SCHIP1: variants seen among roughly 807,000 people sequenced by gnomAD.
SCHIP1 encodes schwannomin interacting protein 1, also known as schwannomin-interacting protein 1.
Under a neutral mutation model 29.7 loss-of-function variants are expected in SCHIP1, and 8 were observed. That is an observed-to-expected ratio of 0.27 (90% CI 0.16 to 0.49). The LOEUF (loss-of-function observed/expected upper bound fraction) is 0.49, where lower values mean the gene tolerates loss of function less well. Ranked by LOEUF, SCHIP1 falls within the 20% of genes least tolerant of loss-of-function variation. SCHIP1 has a pLI of 0.99. For missense variants in SCHIP1, 193 were observed against 294.6 expected (o/e 0.66, Z 2.52); for synonymous variants, 76 against 94.9 (o/e 0.80, Z 1.16).
chr3:159,501,967 A>G, the SCHIP1 span, among the ~76,000 whole-genome samples: 2 of 152,176 alleles, frequency 1.3e-5, no homozygotes, highest in Admixed American at 1.3e-4. Context: ...CATTAATCCT[A>G]TGATTTCTCA....
At chr3:159,466,551 T>A in the SCHIP1 span, among the ~76,000 whole-genome samples, 1 of 152,172 alleles carries the variant, frequency 6.6e-6, no homozygotes, top group Non-Finnish European at 1.5e-5. Flanking sequence ...TGATGATGTA[T>A]TGCTACCGTG....
chr3:159,854,882 GA>G (rs1318646909), intron 1 of SCHIP1, among the ~76,000 whole-genome samples: 1 of 152,194 alleles, frequency 6.6e-6, no homozygotes, highest in Non-Finnish European at 1.5e-5. Context: ...GAAACAGAGG[GA>G]ACCCAGATGC....
At chr3:159,382,258 T>TCATCC in the SCHIP1 span, among the ~76,000 whole-genome samples, 1 of 109,974 alleles carries the variant, frequency 9.1e-6, no homozygotes, top group African/African-American at 3.5e-5. Flanking sequence ...CCCTCCCCCC[T>TCATCC]CACCCCACCC....
the SCHIP1 span, among the ~76,000 whole-genome samples, chr3:159,281,348 G>A: frequency 3.3e-5 from 5 of 152,152 alleles, no homozygotes; most frequent in African/African-American, 1.2e-4. Flanking sequence ...TATTCTAAGT[G>A]GTTTACTTTA....
the SCHIP1 span, among the ~76,000 whole-genome samples, chr3:159,511,654 A>G: frequency 2.0e-5 from 3 of 152,136 alleles, no homozygotes; most frequent in Non-Finnish European, 4.4e-5. Context: ...TTTCAGTACA[A>G]GGATAGACAG....
At chr3:159,872,262 A>C (rs1715370605) in intron 2 of SCHIP1, among the ~76,000 whole-genome samples, 1 of 152,138 alleles carries the variant, frequency 6.6e-6, no homozygotes, top group Non-Finnish European at 1.5e-5. Context: ...TGTTTTTAAT[A>C]GCACAAATAT....
At chr3:159,675,886 CT>C in the SCHIP1 span, among the ~76,000 whole-genome samples, 1 of 151,562 alleles carries the variant, frequency 6.6e-6, no homozygotes, top group African/African-American at 2.4e-5. Flanking sequence ...AATCCCAGCA[CT>C]TTGGGAGGCT....
At chr3:159,484,801 T>A in the SCHIP1 span, among the ~76,000 whole-genome samples, 6 of 152,292 alleles carry the variant, frequency 3.9e-5, no homozygotes, top group Admixed American at 3.9e-4. Context: ...TGGCACAGAA[T>A]CCCATCATTG....
At chr3:159,632,936 C>T in the SCHIP1 span, among the ~76,000 whole-genome samples, 6 of 152,138 alleles carry the variant, frequency 3.9e-5, no homozygotes, top group East Asian at 7.7e-4. Context: ...ATGAAAGTTG[C>T]CTTTTCTTCT....
chr3:159,597,747 A>G, the SCHIP1 span, among the ~76,000 whole-genome samples: 1 of 152,238 alleles, frequency 6.6e-6, no homozygotes, highest in Non-Finnish European at 1.5e-5. Flanking sequence ...ACGAAAGTGC[A>G]ATATCCCTTT....
chr3:159,575,287 A>G, the SCHIP1 span, among the ~76,000 whole-genome samples: 1 of 152,178 alleles, frequency 6.6e-6, no homozygotes, highest in African/African-American at 2.4e-5. Flanking sequence ...TATAATTTTT[A>G]TTAGAGTACT....
chr3:159,646,113 GC>G, the SCHIP1 span, among the ~76,000 whole-genome samples: 3 of 152,102 alleles, frequency 2.0e-5, no homozygotes, highest in African/African-American at 7.2e-5. Context: ...TTGATCTGAA[GC>G]AAAAACTCCA....
the SCHIP1 span, among the ~76,000 whole-genome samples, chr3:159,327,312 G>A: frequency 6.6e-6 from 1 of 152,136 alleles, no homozygotes; most frequent in Non-Finnish European, 1.5e-5. Flanking sequence ...GAAGTTATTG[G>A]GTGGTGGTCA....
upstream of SCHIP1, chr3:159,839,742 T>G: frequency 2.4e-6 from 1 of 415,842 alleles, no homozygotes; most frequent in Non-Finnish European, 3.9e-6. Context: ...TTGATTTGTG[T>G]CTGTCCCTCT....
intron 2 of SCHIP1, among the ~76,000 whole-genome samples, chr3:159,879,390 T>C (rs1444282869): frequency 6.6e-6 from 1 of 152,184 alleles, no homozygotes; most frequent in Non-Finnish European, 1.5e-5. Context: ...TATTGTGTAA[T>C]TTAACCTCTC....
At chr3:159,611,803 C>T in the SCHIP1 span, among the ~76,000 whole-genome samples, 1 of 152,046 alleles carries the variant, frequency 6.6e-6, no homozygotes, top group African/African-American at 2.4e-5. Context: ...GAAGAAGATG[C>T]CCATCAAATA....
At chr3:159,771,144 G>C in the SCHIP1 span, among the ~76,000 whole-genome samples, 352 of 152,158 alleles carry the variant, frequency 2.3e-3, 17 homozygotes, top group East Asian at 0.058. Context: ...TTTCTTCCTA[G>C]AATGGTACTA....
chr3:159,338,394 G>A, the SCHIP1 span, among the ~76,000 whole-genome samples: 5 of 152,250 alleles, frequency 3.3e-5, no homozygotes, highest in African/African-American at 7.2e-5. Flanking sequence ...ATGTAGGACC[G>A]TCTACGTCAT....
chr3:159,316,367 T>A, the SCHIP1 span, among the ~76,000 whole-genome samples: 2 of 152,048 alleles, frequency 1.3e-5, no homozygotes, highest in African/African-American at 4.8e-5. Flanking sequence ...AGATGTAGGG[T>A]GGGAGGCTAG....
Sources: allele counts gnomAD v4.1 joint callset (sites outside exome capture counted in the v4.1 genomes callset), GRCh38; gene constraint gnomAD v4.1.1; transcripts MANE v1.5; gene names NCBI Gene and HGNC (gene_info 2026-07-23, HGNC 2026-07-21).